Variants in GABBR2 observed in about 807,000 individuals in gnomAD.
The protein encoded by GABBR2 is gamma-aminobutyric acid type B receptor subunit 2, also known as G-protein coupled receptor 51.
A neutral mutation model predicts 105.6 loss-of-function variants in GABBR2; 23 were observed. That is an observed-to-expected ratio of 0.22 (90% CI 0.16 to 0.31). The LOEUF is 0.31. Among genes scored for constraint, GABBR2 ranks in the 10% least tolerant of loss-of-function variants. GABBR2 has a pLI of 1.00. For missense variants in GABBR2, 734 were observed against 1,245.5 expected, an observed-to-expected ratio of 0.59 and a Z score of 6.18; for synonymous variants, 478 against 499.7, an observed-to-expected ratio of 0.96 and a Z score of 0.58.
chr9:98,400,981 C>T (rs10122943), intron 8 of GABBR2, among the ~76,000 whole-genome samples: 9,586 of 152,016 alleles, frequency 0.063, 413 homozygotes, highest in Non-Finnish European at 0.089. Flanking sequence ...ATGAGGTGTG[C>T]GAATTGTGTC....
intron 2 of GABBR2, among the ~76,000 whole-genome samples, chr9:98,554,782 AC>A (rs1411859524): frequency 5.3e-5 from 8 of 152,116 alleles, no homozygotes; most frequent in Non-Finnish European, 1.2e-4. Context: ...TTATTATTTG[AC>A]GTAAAGAAGA....
chr9:98,647,574 A>C (rs1054565579), intron 1 of GABBR2, among the ~76,000 whole-genome samples: 2 of 152,144 alleles, frequency 1.3e-5, no homozygotes, highest in Admixed American at 1.3e-4. Flanking sequence ...TGAAACCCAA[A>C]CCTGGCCCCG....
intron 1 of GABBR2, among the ~76,000 whole-genome samples, chr9:98,619,208 TAAAAG>T (rs1333790710): frequency 2.6e-5 from 4 of 151,402 alleles, no homozygotes; most frequent in Admixed American, 6.6e-5. Flanking sequence ...AAGAAGGTAA[TAAAAG>T]AAACCTGTAA....
At chr9:98,630,475 T>C (rs903493667) in intron 1 of GABBR2, among the ~76,000 whole-genome samples, 1 of 152,150 alleles carries the variant, frequency 6.6e-6, no homozygotes, top group Admixed American at 6.5e-5. Flanking sequence ...GACACAGGCA[T>C]TGTGAGGACT....
chr9:98,354,133 AT>A (rs2131429204), intron 13 of GABBR2, among the ~76,000 whole-genome samples: 1 of 152,346 alleles, frequency 6.6e-6, no homozygotes, highest in Non-Finnish European at 1.5e-5. Context: ...GAGTATTTTA[AT>A]TAATTAATTT....
At chr9:98,682,055 T>C (rs10739681) in intron 1 of GABBR2, among the ~76,000 whole-genome samples, 141,354 of 151,994 alleles carry the variant, frequency 0.93, 65,873 homozygotes, top group African/African-American at 0.98. Context: ...GCCAATATGG[T>C]GAAAACTCAT....
chr9:98,421,965 C>T (rs2131555719), intron 7 of GABBR2, among the ~76,000 whole-genome samples: 1 of 152,288 alleles, frequency 6.6e-6, no homozygotes, highest in Non-Finnish European at 1.5e-5. Flanking sequence ...AGCCCAAAAA[C>T]TGATTAATTT....
intron 7 of GABBR2, among the ~76,000 whole-genome samples, chr9:98,453,650 C>T (rs1826273804): frequency 2.0e-5 from 3 of 152,232 alleles, no homozygotes; most frequent in Admixed American, 2.0e-4. Context: ...CCAGGGAGCA[C>T]AGAGCCACTG....
rs75782199 is a variant in GABBR2, at chr9:98,628,368, C to T, written c.322-50296G>A. Among the ~76,000 whole-genome samples the T allele has an allele frequency of 6.5e-4, 99 of 152,238 alleles. 1 individual carries two copies. In the East Asian group the frequency reaches 0.018, roughly 28 times the overall value. ...ATATCAGTTTTAAAAGGCAGGGTAG[C>T]TAATTATCTAAGCAGCTTGCTGGCT... On this transcript the variant is annotated intron_variant, in intron 1 of 18. Transcript: ENST00000259455.
intron 1 of GABBR2, among the ~76,000 whole-genome samples, chr9:98,586,618 C>A (rs933938089): frequency 6.6e-6 from 1 of 152,216 alleles, no homozygotes; most frequent in African/African-American, 2.4e-5. Context: ...CTTTTCTTTA[C>A]AGTTTTATAT....
At chr9:98,363,044 C>G (rs555126793) in intron 12 of GABBR2, among the ~76,000 whole-genome samples, 72 of 152,250 alleles carry the variant, frequency 4.7e-4, no homozygotes, top group Middle Eastern at 3.4e-3. Flanking sequence ...TTATCACTCC[C>G]CAAACACATA....
At chr9:98,609,869 T>C (rs1198706978) in intron 1 of GABBR2, among the ~76,000 whole-genome samples, 1 of 152,210 alleles carries the variant, frequency 6.6e-6, no homozygotes. Flanking sequence ...CACTGGGCAG[T>C]GGCACTAGTG....
chr9:98,583,154 G>T (rs1387113422), intron 1 of GABBR2, among the ~76,000 whole-genome samples: 1 of 152,170 alleles, frequency 6.6e-6, no homozygotes, highest in African/African-American at 2.4e-5. Flanking sequence ...TGCTTCCCTG[G>T]CTCCCCTAAA....
At chr9:98,557,415 C>T (rs1490944077) in intron 2 of GABBR2, among the ~76,000 whole-genome samples, 1 of 152,206 alleles carries the variant, frequency 6.6e-6, no homozygotes. Context: ...AGGGAGCAAA[C>T]TTACTGTGTG....
At position 98,303,330 on chromosome 9, in the gene GABBR2, T is replaced by A; in HGVS notation, c.2323A>T (p.Thr775Ser). The change falls in exon 16 of 19, where the codon ACC (threonine) becomes TCC (serine). Residue 775 changes from threonine (T) to serine (S), a missense_variant. Transcript: ENST00000259455. ...NQKKEDSKTS[T>S]SVTSVNQAST... The stretch of plus-strand genomic sequence containing the variant: ...GCTTGGTTCACACTGGTGACCGAGG[T>A]GGACGTTTTAGAATCTTCTTTCTTC... The A allele has an allele frequency of 6.2e-7, 1 of 1,614,100 alleles. No individual in the cohort carries two copies. The highest frequency in any genetic ancestry group is 8.5e-7 in the Non-Finnish European group (1 of 1,179,942).
intron 3 of GABBR2, among the ~76,000 whole-genome samples, chr9:98,513,455 C>G (rs1827693830): frequency 6.6e-6 from 1 of 152,024 alleles, no homozygotes; most frequent in Non-Finnish European, 1.5e-5. Context: ...AAACTACCAT[C>G]AGAGTGAACA....
intron 7 of GABBR2, among the ~76,000 whole-genome samples, chr9:98,412,082 T>G (rs1832600722): frequency 6.6e-6 from 1 of 152,264 alleles, no homozygotes. Flanking sequence ...GGTTAAGCCC[T>G]TTGTTGGGGC....
chr9:98,684,007 CAAAAAAAA>C (rs367642589), intron 1 of GABBR2, among the ~76,000 whole-genome samples: 3 of 105,926 alleles, frequency 2.8e-5, no homozygotes, highest in South Asian at 3.2e-4. Flanking sequence ...GACTCCATCT[CAAAAAAAA>C]AAAAAAAAAA....
chr9:98,633,166 C>T (rs1021302874), intron 1 of GABBR2, among the ~76,000 whole-genome samples: 4 of 152,100 alleles, frequency 2.6e-5, no homozygotes, highest in Non-Finnish European at 5.9e-5. Flanking sequence ...TGAGCCAGTA[C>T]CAGCCAGCTC....
Sources: gnomAD v4.1 joint callset for allele counts (sites outside exome capture counted in the v4.1 genomes callset) on GRCh38, gnomAD v4.1.1 for gene constraint, MANE v1.5 for transcripts, NCBI Gene and HGNC (gene_info 2026-07-23, HGNC 2026-07-21) for gene names.